The following WBP1L variants were observed in gnomAD, a reference collection of about 807,000 sequenced individuals.
WBP1L encodes WW domain binding protein 1 like.
Under a neutral mutation model 33.7 loss-of-function variants are expected in WBP1L, and 17 were observed. The observed-to-expected ratio is 0.50, with a 90% CI of 0.34 to 0.76. The LOEUF (loss-of-function observed/expected upper bound fraction) is 0.76, where lower values mean the gene tolerates loss of function less well. Among genes scored for constraint, WBP1L ranks in the 30% least tolerant of loss-of-function variants. The pLI, the probability that WBP1L is intolerant of heterozygous loss-of-function variation, is 0.01. For synonymous variants in WBP1L, 173 were observed against 190.8 expected (o/e 0.91, Z 0.77); for missense variants, 389 against 469.4 (o/e 0.83, Z 1.58).
intron 2 of WBP1L, among the ~76,000 whole-genome samples, chr10:102,809,521 G>A (rs1275378615): frequency 1.3e-5 from 2 of 151,638 alleles, no homozygotes; most frequent in Admixed American, 6.6e-5. Context: ...ACAGGCGCCT[G>A]CCACCATACC....
intron 1 of WBP1L, among the ~76,000 whole-genome samples, chr10:102,761,750 T>C (rs780089411): frequency 1.3e-5 from 2 of 152,110 alleles, no homozygotes; most frequent in East Asian, 3.9e-4. Flanking sequence ...GGTTTCACCA[T>C]GTTGGCCAGG....
At chr10:102,794,681 C>T (rs771205232) in intron 1 of WBP1L, among the ~76,000 whole-genome samples, 1 of 152,026 alleles carries the variant, frequency 6.6e-6, no homozygotes, top group African/African-American at 2.4e-5. Flanking sequence ...GCCTGGAGGT[C>T]GAGGCTGCAG....
Position 102,812,873 on chromosome 10 carries a change from G to A in WBP1L, c.634G>A (p.Ala212Thr). 6.4e-7 allele frequency: 1 copy of A among 1,571,720 alleles called. No individual in the cohort carries two copies. The highest frequency in any genetic ancestry group is 8.6e-7 in the Non-Finnish European group (1 of 1,157,256). Reference sequence around the variant, plus strand: ...ACCAGTTGACCGAGCAGCCACCAAAGCCCCAGGGATGGAGCCCAGTGGCTC... The same window carrying A: ...ACCAGTTGACCGAGCAGCCACCAAAACCCCAGGGATGGAGCCCAGTGGCTC... Reference protein sequence around the residue: ...DLPVDRAATKAPGMEPSGSVA... With the variant: ...DLPVDRAATKTPGMEPSGSVA... Residue 212 changes from alanine (A) to threonine (T), a missense_variant, in exon 4 of 4, where the codon GCC becomes ACC. Ala to Thr is a moderately conservative substitution (Grantham distance 58, BLOSUM62 0). Coordinates refer to ENST00000448841, the MANE Select transcript of WBP1L (RefSeq NM_001083913.2).
At position 102,809,883 on chromosome 10, in the gene WBP1L, C is replaced by A. The variant is rs1394271676; in HGVS notation, c.194-10C>A. 2 of 1,605,284 alleles carry A rather than the reference C, an allele frequency of 1.2e-6. No individual in the cohort carries two copies. Among genetic ancestry groups the A allele is most frequent in the Admixed American group, 3.4e-5 (2 of 58,698 alleles). On this transcript the variant is annotated splice_polypyrimidine_tract_variant and intron_variant, in intron 2 of 3. Coordinates refer to ENST00000448841, the MANE Select transcript of WBP1L (RefSeq NM_001083913.2). Reference sequence around the variant, plus strand: ...GTGTGCCTCTCTGTCTTGCCTTGCCCACCCCCCAGGGTTCTGGCTGGTGTG... The same window carrying A: ...GTGTGCCTCTCTGTCTTGCCTTGCCAACCCCCCAGGGTTCTGGCTGGTGTG...
intron 1 of WBP1L, 35 bp from the exon 2 acceptor site, chr10:102,797,958 A>G (rs1195518387): frequency 6.3e-7 from 1 of 1,580,466 alleles, no homozygotes; most frequent in African/African-American, 1.3e-5. Flanking sequence ...AAAAGCTGTC[A>G]TTTAATATGC....
chr10:102,798,729 C>G (rs1451010110), intron 2 of WBP1L, among the ~76,000 whole-genome samples: 1 of 152,194 alleles, frequency 6.6e-6, no homozygotes, highest in Non-Finnish European at 1.5e-5. Context: ...GGCTGGCTTG[C>G]TGTTTTTGCA....
At chr10:102,772,779 A>G (rs763729468) in intron 1 of WBP1L, among the ~76,000 whole-genome samples, 14 of 151,154 alleles carry the variant, frequency 9.3e-5, no homozygotes, top group Admixed American at 2.0e-4. Context: ...CATGTTGCCC[A>G]AGCTGGTTTT....
chr10:102,755,472 A>T (rs1356574147), intron 1 of WBP1L, among the ~76,000 whole-genome samples: 1 of 150,780 alleles, frequency 6.6e-6, no homozygotes, highest in African/African-American at 2.4e-5. Flanking sequence ...GCTTACTGCA[A>T]CCTCCGCCTC....
chr10:102,799,010 C>G (rs193053197), intron 2 of WBP1L, among the ~76,000 whole-genome samples: 9 of 152,164 alleles, frequency 5.9e-5, no homozygotes, highest in Non-Finnish European at 2.9e-5. Context: ...TCCAGTGTAC[C>G]TAACCTTTTA....
At chr10:102,790,747 G>A (rs568761972) in intron 1 of WBP1L, among the ~76,000 whole-genome samples, 202 of 151,988 alleles carry the variant, frequency 1.3e-3, no homozygotes, top group Non-Finnish European at 2.4e-3. Flanking sequence ...TCCTGACCTC[G>A]TCATCCGCCC....
chr10:102,774,691 A>G (rs1339919), intron 1 of WBP1L, among the ~76,000 whole-genome samples: 29,463 of 152,114 alleles, frequency 0.19, 3,243 homozygotes, highest in East Asian at 0.5. Context: ...TTTCTGACTT[A>G]CATGGATCAT....
intron 2 of WBP1L, chr10:102,804,033 A>G (rs1843697203): frequency 6.6e-6 from 1 of 152,186 alleles, no homozygotes; most frequent in Admixed American, 6.5e-5. Context: ...CATAAAAAAA[A>G]GTAAAAAATG....
chr10:102,794,547 G>A (rs4919677), intron 1 of WBP1L, among the ~76,000 whole-genome samples: 78,515 of 151,810 alleles, frequency 0.52, 21,349 homozygotes, highest in Middle Eastern at 0.63. Flanking sequence ...GGGCCATTGA[G>A]TAACTTGCCT....
chr10:102,758,944 A>G (rs1165263025), intron 1 of WBP1L, among the ~76,000 whole-genome samples: 2 of 152,148 alleles, frequency 1.3e-5, no homozygotes, highest in Non-Finnish European at 2.9e-5. Context: ...GACTTTCACT[A>G]TTTCTTCTAC....
chr10:102,786,571 G>T (rs1564763358), intron 1 of WBP1L, among the ~76,000 whole-genome samples: 1 of 152,176 alleles, frequency 6.6e-6, no homozygotes, highest in Non-Finnish European at 1.5e-5. Context: ...TCCCTATTTT[G>T]TTGCATTTGT....
chr10:102,788,276 A>AT (rs201385094), intron 1 of WBP1L, among the ~76,000 whole-genome samples: 1,653 of 151,178 alleles, frequency 0.011, 26 homozygotes, highest in African/African-American at 0.038. Context: ...CGCCCGGCTA[A>AT]TTTTTTGCAT....
intron 1 of WBP1L, among the ~76,000 whole-genome samples, chr10:102,795,615 A>G (rs1357195441): frequency 1.3e-5 from 2 of 152,218 alleles, no homozygotes. Flanking sequence ...GTTGACAGCC[A>G]TGTGTTCCGA....
rs139505985 is a variant in WBP1L at position 102,762,747 on chromosome 10, A to C, written c.90+18604A>C. Among the ~76,000 whole-genome samples the C allele has an allele frequency of 3.7e-4, 57 of 152,290 alleles. No homozygotes were observed. The East Asian group carries it at 0.011, about 28-fold the overall frequency. On this transcript the variant is annotated intron_variant, in intron 1 of 3. Transcript: ENST00000448841. ...TAAATGTTCAGAGAAACGTGGAAAAATGAAGAGACCCTGCCAGCATATCTT... is the reference window on the plus strand; with the variant it reads ...TAAATGTTCAGAGAAACGTGGAAAACTGAAGAGACCCTGCCAGCATATCTT...
chr10:102,766,464 GA>G (rs921991611), intron 1 of WBP1L, among the ~76,000 whole-genome samples: 1 of 143,056 alleles, frequency 7.0e-6, no homozygotes, highest in Non-Finnish European at 1.5e-5. Context: ...AAAAAAAAAG[GA>G]AAAAAAATAA....
Sources: allele counts gnomAD v4.1 joint callset (sites outside exome capture counted in the v4.1 genomes callset), GRCh38; gene constraint gnomAD v4.1.1; transcripts MANE v1.5; gene names NCBI Gene and HGNC (gene_info 2026-07-23, HGNC 2026-07-21).